H6PD: variants seen among roughly 807,000 people sequenced by gnomAD.
The protein encoded by H6PD is GDH/6PGL endoplasmic bifunctional protein.
In H6PD, 48 loss-of-function variants were observed where a neutral mutation model predicts 61.2. That is an observed-to-expected ratio of 0.78 (90% CI 0.62 to 1.00). The LOEUF (loss-of-function observed/expected upper bound fraction) is 1.00. Among genes scored for constraint, H6PD ranks in the 50% least tolerant of loss-of-function variants. The probability of loss-of-function intolerance (pLI) is 0.00; values close to 1 mark genes in which losing one functional copy is unlikely to be tolerated. For missense variants in H6PD, 1,093 were observed against 1,065.0 expected (o/e 1.03, Z -0.37); for synonymous variants, 480 against 457.9 (o/e 1.05, Z -0.62).
rs1462472058 is a variant in H6PD at position 9,247,022 on chromosome 1, C to T, written c.684C>T (p.Leu228=). 1 of 1,614,040 alleles carries T rather than the reference C, an allele frequency of 6.2e-7. No individual in the cohort carries two copies. The highest frequency in any genetic ancestry group is 8.5e-7 in the Non-Finnish European group (1 of 1,180,012). The change falls in exon 3 of 5, where the codon CTC becomes CTT. Residue 228 remains leucine (L), a synonymous_variant. Transcript: ENST00000377403. ...AGAACCGCAAGGCTTTGGACGGCCT[C>T]TGGAACCGGCACCATGTGGAGCGGG... ...RDQNRKALDG[L]WNRHHVERVE...
At position 9,254,670 on chromosome 1, in the gene H6PD, C is replaced by G. The variant is rs889242798; in HGVS notation, c.746-7389C>G. 6.6e-6 allele frequency among the ~76,000 whole-genome samples: 1 copy of G among 152,210 alleles called. No individual in the cohort carries two copies. The highest frequency in any genetic ancestry group is 1.5e-5 in the Non-Finnish European group (1 of 68,046). ...AAGTACCTCTTTCGTGCTTCTGCTT[C>G]CCTGTTCTAAAACCTTTTTTAAAAA... is the stretch of plus-strand genomic sequence containing the variant. On this transcript the variant is annotated intron_variant, in intron 3 of 4. Transcript: ENST00000377403. This position sits in a 1 kb window ranked among gnomAD's most constrained non-coding sequence, Gnocchi z 4.6.
intron 1 of H6PD, among the ~76,000 whole-genome samples, chr1:9,243,240 T>C (rs1356038776): frequency 6.6e-6 from 1 of 152,072 alleles, no homozygotes; most frequent in Non-Finnish European, 1.5e-5. Flanking sequence ...AAGAGGCAGA[T>C]TGGTGCCCTC....
Position 9,262,120 on chromosome 1 carries a change from G to A in H6PD, c.807G>A (p.Thr269=), listed in dbSNP as rs879659914. 5.1e-5 allele frequency: 82 copies of A among 1,614,082 alleles called. No homozygotes were observed. Among genetic ancestry groups the A allele is most frequent in the African/African-American group, 8.0e-5 (6 of 74,944 alleles). The change falls in exon 4 of 5, where the codon ACG becomes ACA. Residue 269 remains threonine, a synonymous_variant. Transcript: ENST00000377403. ...GCGACGTCCTCCAGAACCATCTGACGGAGGTCCTCACCCTCGTGGCCATGG... is the reference window on the plus strand; with the variant it reads ...GCGACGTCCTCCAGAACCATCTGACAGAGGTCCTCACCCTCGTGGCCATGG... The part of the protein sequence containing the change: ...VIRDVLQNHL[T]EVLTLVAMEL...
rs1346315977 is a variant in H6PD at position 9,269,990 on chromosome 1, G to A, written c.*5121G>A. 1 of 152,622 alleles carries A rather than the reference G, an allele frequency of 6.6e-6. No homozygotes were observed. Among genetic ancestry groups the A allele is most frequent in the Non-Finnish European group, 1.5e-5 (1 of 68,052 alleles). 9.5% of individuals were successfully genotyped at this position (152,622 alleles called of 1,614,324 possible). A position where few individuals can be genotyped will look rare whatever the true frequency, so the allele number is the denominator to read the frequency against. On this transcript the variant is annotated 3_prime_UTR_variant, in exon 5 of 5. Transcript: ENST00000377403. The surrounding 1 kb of genome is among the most constrained non-coding windows in gnomAD (Gnocchi z 4.3). ...CATCAGCACAAGACGGGATGGCAAG[G>A]GCTTTCAGACGCATTTCCAAGAGTC...
At chr1:9,252,675 A>G (rs1014188120) in intron 3 of H6PD, among the ~76,000 whole-genome samples, 2 of 152,230 alleles carry the variant, frequency 1.3e-5, no homozygotes, top group African/African-American at 4.8e-5. Flanking sequence ...TAATTCGAGA[A>G]CATTTATGAG....
Position 9,264,106 on chromosome 1 carries a change from C to T in H6PD, c.1613C>T (p.Pro538Leu). The change falls in exon 5 of 5, where the codon CCA (proline) becomes CTA (leucine). Residue 538 changes from proline (P) to leucine (L), a missense_variant. Physicochemically the swap from Pro to Leu is moderately conservative, Grantham distance 98. Coordinates refer to ENST00000377403, the MANE Select transcript of H6PD (RefSeq NM_004285.4). Reference sequence around the variant, plus strand: ...CTGGTGCCAGGGCCAGGGCCGGCCCCAATGCCCAGTGACTTCCAGGTCCTC... The same window carrying T: ...CTGGTGCCAGGGCCAGGGCCGGCCCTAATGCCCAGTGACTTCCAGGTCCTC... Reference protein sequence around the residue: ...EQLVPGPGPAPMPSDFQVLRA... With the variant: ...EQLVPGPGPALMPSDFQVLRA... 1 of 1,613,946 alleles carries T rather than the reference C, an allele frequency of 6.2e-7. No individual in the cohort carries two copies. Among genetic ancestry groups the T allele is most frequent in the African/African-American group, 1.3e-5 (1 of 75,070 alleles).
intron 1 of H6PD, among the ~76,000 whole-genome samples, chr1:9,239,504 G>A (rs1557734358): frequency 6.6e-6 from 1 of 152,170 alleles, no homozygotes; most frequent in Non-Finnish European, 1.5e-5. Context: ...AAATGGACCA[G>A]AACAGGAAGA....
chr1:9,251,367 C>T (rs1313583172), intron 3 of H6PD, among the ~76,000 whole-genome samples: 1 of 152,232 alleles, frequency 6.6e-6, no homozygotes, highest in Non-Finnish European at 1.5e-5. Context: ...AGCAGTTGGC[C>T]TCCCTGCTGG....
intron 3 of H6PD, among the ~76,000 whole-genome samples, chr1:9,259,418 T>A (rs1641641593): frequency 6.6e-6 from 1 of 152,150 alleles, no homozygotes; most frequent in East Asian, 1.9e-4. Context: ...TTACAACAAC[T>A]TGTTGTTACA....
chr1:9,244,418 G>A (rs908352959), intron 1 of H6PD, among the ~76,000 whole-genome samples: 5 of 152,212 alleles, frequency 3.3e-5, no homozygotes, highest in African/African-American at 1.2e-4. Context: ...GCAGTTATTA[G>A]TCATCACTTG....
chr1:9,266,450 A>G lies in H6PD; in HGVS notation c.*1581A>G, dbSNP rs1638565010. On this transcript the variant is annotated 3_prime_UTR_variant, in exon 5 of 5. Transcript: ENST00000377403. ...TGAAGCCCCCAAGGAGGGCTCTGAC[A>G]TTCTTTTTAAAAACACCACAAAGCA... The G allele has an allele frequency of 2.0e-5, 3 of 152,236 alleles. No individual in the cohort carries two copies. The highest frequency in any genetic ancestry group is 1.3e-4 in the Admixed American group (2 of 15,286). The allele number at this position is 152,236 out of a possible 1,614,324, so 9.4% of individuals were successfully genotyped here. A position where few individuals can be genotyped will look rare whatever the true frequency, so the allele number is the denominator to read the frequency against.
At position 9,264,908 on chromosome 1, in the gene H6PD, T is replaced by C. The variant is rs772652059; in HGVS notation, c.*39T>C. 2.5e-6 allele frequency: 4 copies of C among 1,605,418 alleles called. No homozygotes were observed. Among genetic ancestry groups the C allele is most frequent in the East Asian group, 4.5e-5 (2 of 44,866 alleles). ...CCTTGCCCGCTTCGCTCCTGTGCTT[T>C]CCTTCGCCCGTGTCTTCCCTCCCTT... is the stretch of plus-strand genomic sequence containing the variant. On this transcript the variant is annotated 3_prime_UTR_variant, in exon 5 of 5. Coordinates refer to ENST00000377403, the MANE Select transcript of H6PD (RefSeq NM_004285.4).
chr1:9,259,762 CT>C (rs1288450333), intron 3 of H6PD, among the ~76,000 whole-genome samples: 2 of 151,198 alleles, frequency 1.3e-5, no homozygotes, highest in Non-Finnish European at 1.5e-5. Flanking sequence ...TGTTGTTACA[CT>C]GGTGTTACAT....
rs556384559 is a variant in H6PD at position 9,258,238 on chromosome 1, G to A, written c.746-3821G>A. On this transcript the variant is annotated intron_variant, in intron 3 of 4. Coordinates refer to ENST00000377403, the MANE Select transcript of H6PD (RefSeq NM_004285.4). ...TTATGTTGCTGTTGTTACGCTGGTG[G>A]TGTTATGTTGGTGTTGTTACATCAG... is the stretch of plus-strand genomic sequence containing the variant. Among the ~76,000 whole-genome samples the A allele has an allele frequency of 2.8e-3, 418 of 151,196 alleles. 1 individual carries two copies. The highest frequency in any genetic ancestry group is 9.8e-3 in the African/African-American group (403 of 41,280).
intron 1 of H6PD, 109 bp from the exon 2 acceptor site, chr1:9,244,816 A>G: frequency 9.8e-7 from 1 of 1,020,966 alleles, no homozygotes; most frequent in Non-Finnish European, 1.5e-6. Flanking sequence ...TTTCTTAAGA[A>G]ACACGTGGTG....
At position 9,264,700 on chromosome 1, in the gene H6PD, T is replaced by C; in HGVS notation, c.2207T>C (p.Ile736Thr). ...HRRMSLSLPL[I>T]NRAKKVAVLV... ...CGCATGAGCCTTAGCCTGCCTCTCA[T>C]CAACCGCGCCAAGAAGGTGGCAGTC... Residue 736 changes from isoleucine to threonine, a missense_variant, in exon 5 of 5, where the codon ATC (isoleucine) becomes ACC (threonine). Ile to Thr is a moderately conservative substitution (Grantham distance 89). Transcript: ENST00000377403. 1 of 1,613,354 alleles carries C rather than the reference T, an allele frequency of 6.2e-7. No homozygotes were observed. The highest frequency in any genetic ancestry group is 8.5e-7 in the Non-Finnish European group (1 of 1,180,008).
intron 1 of H6PD, among the ~76,000 whole-genome samples, chr1:9,237,149 C>T (rs534499058): frequency 1.1e-4 from 17 of 151,274 alleles, no homozygotes; most frequent in Admixed American, 9.9e-4. Context: ...TCACATTTTA[C>T]GGGAAGGTTA....
rs1220914511 is a variant in H6PD, at chr1:9,234,917, C to T, written c.-160C>T. On this transcript the variant is annotated 5_prime_UTR_variant, in exon 1 of 5. Coordinates refer to ENST00000377403, the MANE Select transcript of H6PD (RefSeq NM_004285.4). Reference sequence around the variant, plus strand: ...ATCGGAGTGTCGTGCGGCGCGTGGCCGCGTGACACGCGCACTTGTCGGAGT... The same window carrying T: ...ATCGGAGTGTCGTGCGGCGCGTGGCTGCGTGACACGCGCACTTGTCGGAGT... 1 of 147,798 alleles carries T rather than the reference C, an allele frequency of 6.8e-6. No individual in the cohort carries two copies. The highest frequency in any genetic ancestry group is 1.5e-5 in the Non-Finnish European group (1 of 66,282). The allele number at this position is 147,798 out of a possible 1,614,324, so 9.2% of individuals were successfully genotyped here. A position where few individuals can be genotyped will look rare whatever the true frequency, so the allele number is the denominator to read the frequency against.
chr1:9,242,425 T>G (rs1641024853), intron 1 of H6PD: 1 of 238,294 alleles, frequency 4.2e-6, no homozygotes, highest in African/African-American at 2.3e-5. Flanking sequence ...AACCACAGAG[T>G]AAGCAATCAT....
Sources: allele counts gnomAD v4.1 joint callset (sites outside exome capture counted in the v4.1 genomes callset), GRCh38; gene constraint gnomAD v4.1.1; non-coding constraint Gnocchi (gnomAD v3.1); transcripts MANE v1.5; gene names NCBI Gene and HGNC (gene_info 2026-07-23, HGNC 2026-07-21).